The following CADPS2 variants were observed in gnomAD, a reference collection of about 807,000 sequenced individuals.
CADPS2 encodes the protein calcium dependent secretion activator 2.
A neutral mutation model predicts 172.5 loss-of-function variants in CADPS2; 93 were observed. The ratio of observed to expected loss-of-function variants is 0.54; its 90% CI spans 0.46 to 0.64. CADPS2 has a LOEUF of 0.64. CADPS2 is among the 30% of genes least tolerant of loss of function. The probability of loss-of-function intolerance (pLI) is 0.00; values close to 1 mark genes in which losing one functional copy is unlikely to be tolerated. For missense variants in CADPS2, 1,420 were observed against 1,565.9 expected (o/e 0.91, Z 1.57); for synonymous variants, 546 against 555.2 (o/e 0.98, Z 0.23).
chr7:122,651,327 TCTCC>T lies in CADPS2; in HGVS notation c.786+11906_786+11909del, dbSNP rs2079128285. Among the ~76,000 whole-genome samples, 4 of 151,716 alleles carry T rather than the reference TCTCC, an allele frequency of 2.6e-5. No individual in the cohort carries two copies. The South Asian group carries it at 6.2e-4, about 24-fold the overall frequency. ...AGTTTCCTTTGGGGATTCACATTTC[TCTCC>T]CTGTTTTCTTTCTGCACATGTTGAA... is the stretch of plus-strand genomic sequence containing the variant. On this transcript the variant is annotated intron_variant, in intron 3 of 29. Coordinates refer to ENST00000449022, the MANE Select transcript of CADPS2 (RefSeq NM_017954.11).
chr7:122,501,650 C>T (rs1269400286), intron 9 of CADPS2, among the ~76,000 whole-genome samples: 1 of 151,826 alleles, frequency 6.6e-6, no homozygotes, highest in Non-Finnish European at 1.5e-5. Flanking sequence ...GAGATCGAGA[C>T]CATCCTGGCT....
chr7:122,464,583 T>TG (rs2054891985), intron 14 of CADPS2, among the ~76,000 whole-genome samples: 1 of 152,188 alleles, frequency 6.6e-6, no homozygotes. Flanking sequence ...TACCAGGATG[T>TG]CACGCGGATA....
chr7:122,745,406 C>T (rs1296206290), intron 1 of CADPS2, among the ~76,000 whole-genome samples: 2 of 151,784 alleles, frequency 1.3e-5, no homozygotes, highest in Admixed American at 6.6e-5. Context: ...GAATTTCAAC[C>T]AGCATCTTGA....
chr7:122,685,435 T>C (rs2083509893), intron 2 of CADPS2, among the ~76,000 whole-genome samples: 1 of 152,212 alleles, frequency 6.6e-6, no homozygotes, highest in African/African-American at 2.4e-5. Context: ...GTCTTCTGTC[T>C]TGCAGGTTAA....
chr7:122,382,078 C>T (rs2043082892), intron 24 of CADPS2: 1 of 152,046 alleles, frequency 6.6e-6, no homozygotes, highest in Admixed American at 6.6e-5. Flanking sequence ...ATTCTGCAGA[C>T]AATAACTCAC....
chr7:122,531,513 T>TA (rs1024645918), intron 8 of CADPS2, among the ~76,000 whole-genome samples: 15 of 152,240 alleles, frequency 9.9e-5, no homozygotes, highest in African/African-American at 3.6e-4. Flanking sequence ...ACCTACTTAT[T>TA]AAAAAGAGAA....
chr7:122,821,157 T>G (rs557348705), intron 1 of CADPS2, among the ~76,000 whole-genome samples: 23 of 152,180 alleles, frequency 1.5e-4, no homozygotes, highest in African/African-American at 5.3e-4. Context: ...TGTATCTCTC[T>G]GATCCACCTT....
At chr7:122,747,906 CCTT>C (rs1401314717) in intron 1 of CADPS2, among the ~76,000 whole-genome samples, 15 of 151,750 alleles carry the variant, frequency 9.9e-5, no homozygotes, top group African/African-American at 3.4e-4. Context: ...CAAGAAATCT[CCTT>C]CTTTCTGCTG....
At chr7:122,814,556 G>T (rs1324075416) in intron 1 of CADPS2, among the ~76,000 whole-genome samples, 2 of 152,012 alleles carry the variant, frequency 1.3e-5, no homozygotes, top group Non-Finnish European at 1.5e-5. Context: ...AATTAAAATT[G>T]TAGTGTCTAT....
intron 1 of CADPS2, among the ~76,000 whole-genome samples, chr7:122,872,943 C>T (rs1421093668): frequency 6.6e-6 from 1 of 151,994 alleles, no homozygotes; most frequent in Non-Finnish European, 1.5e-5. Flanking sequence ...ATGTGTCCTG[C>T]CCTTTGAATC....
At chr7:122,614,284 T>A (rs2074641716) in intron 6 of CADPS2, among the ~76,000 whole-genome samples, 2 of 152,088 alleles carry the variant, frequency 1.3e-5, no homozygotes, top group Non-Finnish European at 2.9e-5. Context: ...AACCCCCTAA[T>A]ACTCTGTGCA....
intron 28 of CADPS2, among the ~76,000 whole-genome samples, chr7:122,341,391 T>C (rs1025435781): frequency 1.3e-5 from 2 of 152,046 alleles, no homozygotes; most frequent in Admixed American, 1.3e-4. Flanking sequence ...AAAAAAAAAA[T>C]TGGTTTAAAA....
chr7:122,861,742 C>A (rs1158151194), intron 1 of CADPS2, among the ~76,000 whole-genome samples: 1 of 152,268 alleles, frequency 6.6e-6, no homozygotes, highest in East Asian at 1.9e-4. Flanking sequence ...CAGATTCGAT[C>A]ATTACGCACT....
intron 6 of CADPS2, among the ~76,000 whole-genome samples, chr7:122,592,440 G>A (rs953716125): frequency 6.6e-6 from 1 of 151,286 alleles, no homozygotes; most frequent in African/African-American, 2.4e-5. Context: ...CAATTCCTCA[G>A]GGATCTAGAA....
At chr7:122,883,252 C>T (rs79924252) in intron 1 of CADPS2, among the ~76,000 whole-genome samples, 1,711 of 152,164 alleles carry the variant, frequency 0.011, 32 homozygotes, top group African/African-American at 0.039. Flanking sequence ...TAATAGTGAA[C>T]GGGCTTTGAC....
At chr7:122,634,538 G>C (rs1374357922) in intron 3 of CADPS2, among the ~76,000 whole-genome samples, 2 of 151,870 alleles carry the variant, frequency 1.3e-5, no homozygotes, top group East Asian at 3.9e-4. Context: ...TGTCATTTCT[G>C]GTTACACTTG....
intron 2 of CADPS2, among the ~76,000 whole-genome samples, chr7:122,667,829 A>C (rs1338089833): frequency 1.3e-5 from 2 of 152,172 alleles, no homozygotes; most frequent in Non-Finnish European, 2.9e-5. Context: ...ATAAAAGAAC[A>C]ACAGCAATAA....
chr7:122,799,528 C>T, intron 1 of CADPS2, among the ~76,000 whole-genome samples: 1 of 148,376 alleles, frequency 6.7e-6, no homozygotes, highest in South Asian at 2.1e-4. Context: ...GCGTGAACCC[C>T]GGGAGGTGGA....
At chr7:122,474,806 A>G (rs1328569294) in intron 12 of CADPS2, among the ~76,000 whole-genome samples, 2 of 152,184 alleles carry the variant, frequency 1.3e-5, no homozygotes, top group Non-Finnish European at 2.9e-5. Flanking sequence ...AACTCTGAGA[A>G]AAGCTGTATT....
Sources: gnomAD v4.1 joint callset for allele counts (sites outside exome capture counted in the v4.1 genomes callset) on GRCh38, gnomAD v4.1.1 for gene constraint, MANE v1.5 for transcripts, NCBI Gene and HGNC (gene_info 2026-07-23, HGNC 2026-07-21) for gene names.